Variants in DPP10 observed in about 807,000 individuals in gnomAD.
DPP10 encodes dipeptidyl peptidase like 10, also known as inactive dipeptidyl peptidase 10.
DPP10 carries 33 observed loss-of-function variants against 120.9 expected under a neutral mutation model. The observed-to-expected ratio is 0.27, with a 90% CI of 0.21 to 0.37. The LOEUF (loss-of-function observed/expected upper bound fraction) is 0.37, where lower values mean the gene tolerates loss of function less well. Ranked by LOEUF, DPP10 falls within the 10% of genes least tolerant of loss-of-function variation. The pLI is 1.00. For synonymous variants in DPP10, 337 were observed against 326.1 expected (o/e 1.03, Z -0.36); for missense variants, 816 against 942.8 (o/e 0.87, Z 1.76).
At chr2:115,808,029 A>G (rs2150008119) in intron 19 of DPP10, among the ~76,000 whole-genome samples, 1 of 152,342 alleles carries the variant, frequency 6.6e-6, no homozygotes, top group East Asian at 1.9e-4. Flanking sequence ...GCAATTTAAA[A>G]GCAATCACTG....
intron 5 of DPP10, among the ~76,000 whole-genome samples, chr2:115,679,314 A>C (rs1170351277): frequency 6.6e-6 from 1 of 152,122 alleles, no homozygotes; most frequent in Non-Finnish European, 1.5e-5. Flanking sequence ...GAGGTAATTG[A>C]ATCATGGGAG....
chr2:115,139,862 T>C (rs1235383053), intron 1 of DPP10, among the ~76,000 whole-genome samples: 1 of 151,830 alleles, frequency 6.6e-6, no homozygotes, highest in African/African-American at 2.4e-5. Flanking sequence ...CTGACTCTAA[T>C]GTGTGCTTCT....
chr2:115,740,703 T>G (rs1677149919), intron 9 of DPP10, among the ~76,000 whole-genome samples: 2 of 152,122 alleles, frequency 1.3e-5, no homozygotes, highest in South Asian at 2.1e-4. Context: ...ACATCTGGAT[T>G]GTACTGTTTT....
At chr2:115,379,641 T>A (rs1445743524) in intron 3 of DPP10, among the ~76,000 whole-genome samples, 1 of 152,174 alleles carries the variant, frequency 6.6e-6, no homozygotes, top group Non-Finnish European at 1.5e-5. Flanking sequence ...TTAATTGTGA[T>A]GTCAGGGTGT....
At position 115,677,884 on chromosome 2, in the gene DPP10, A is replaced by G. The variant is rs187020938; in HGVS notation, c.442-11803A>G. Among the ~76,000 whole-genome samples the G allele has an allele frequency of 3.5e-4, 54 of 152,340 alleles. No individual in the cohort carries two copies. In the East Asian group the frequency reaches 8.7e-3, roughly 24 times the overall value. ...TCATCTAGACAGAGAGTCAAGAAAC[A>G]TAGGTCTTAAACTGCACTTAACACC... On this transcript the variant is annotated intron_variant, in intron 5 of 25. Coordinates refer to ENST00000410059, the MANE Select transcript of DPP10 (RefSeq NM_020868.6).
At chr2:115,018,568 G>A (rs1702838885) in intron 1 of DPP10, among the ~76,000 whole-genome samples, 1 of 152,132 alleles carries the variant, frequency 6.6e-6, no homozygotes, top group South Asian at 2.1e-4. Context: ...GCAGGGACAT[G>A]GATGAAACTG....
chr2:115,440,948 T>C (rs13408150), intron 3 of DPP10: 24,077 of 152,124 alleles, frequency 0.16, 4,363 homozygotes, highest in African/African-American at 0.44. Flanking sequence ...GGTCAACTCC[T>C]GGCAGAAGCG....
chr2:114,856,235 T>C (rs2106509254), intron 1 of DPP10, among the ~76,000 whole-genome samples: 1 of 152,272 alleles, frequency 6.6e-6, no homozygotes, highest in East Asian at 1.9e-4. Context: ...ATGGCTGACT[T>C]CTTAGAACAG....
At chr2:114,541,069 A>G (rs1686909649) in intron 1 of DPP10, among the ~76,000 whole-genome samples, 1 of 152,208 alleles carries the variant, frequency 6.6e-6, no homozygotes, top group South Asian at 2.1e-4. Flanking sequence ...TCAAATGAGA[A>G]CTCATAACTT....
intron 1 of DPP10, among the ~76,000 whole-genome samples, chr2:114,530,246 G>A (rs1365191946): frequency 6.6e-6 from 1 of 152,114 alleles, no homozygotes; most frequent in African/African-American, 2.4e-5. Flanking sequence ...GATGTTCTGT[G>A]CCTTGTTTTT....
At chr2:114,762,659 C>T (rs895527822) in intron 1 of DPP10, among the ~76,000 whole-genome samples, 1 of 152,132 alleles carries the variant, frequency 6.6e-6, no homozygotes, top group Non-Finnish European at 1.5e-5. Context: ...TGCCAATAAC[C>T]AGACAGACAA....
At chr2:115,538,190 A>C (rs1274300379) in intron 5 of DPP10, among the ~76,000 whole-genome samples, 1 of 152,018 alleles carries the variant, frequency 6.6e-6, no homozygotes, top group African/African-American at 2.4e-5. Flanking sequence ...ATCCTGAAAC[A>C]AAGGAAGTAA....
chr2:115,394,182 A>AT (rs1408227723), intron 3 of DPP10, among the ~76,000 whole-genome samples: 2 of 152,156 alleles, frequency 1.3e-5, no homozygotes, highest in Non-Finnish European at 2.9e-5. Flanking sequence ...TCAGATTTTC[A>AT]TTTTTTTAAA....
At chr2:114,834,025 A>ACC (rs991497528) in intron 1 of DPP10, 2 of 151,930 alleles carry the variant, frequency 1.3e-5, no homozygotes, top group Admixed American at 6.6e-5. Context: ...ACGTATATAA[A>ACC]CATATACACA....
At chr2:114,629,169 A>G (rs1694732496) in intron 1 of DPP10, among the ~76,000 whole-genome samples, 1 of 150,486 alleles carries the variant, frequency 6.6e-6, no homozygotes, top group South Asian at 2.1e-4. Flanking sequence ...TTGATAAGAT[A>G]AAAGCTTTAG....
intron 1 of DPP10, among the ~76,000 whole-genome samples, chr2:114,661,223 G>A (rs2105548240): frequency 6.6e-6 from 1 of 152,280 alleles, no homozygotes; most frequent in South Asian, 2.1e-4. Flanking sequence ...ACTCTTCCAT[G>A]TTAAAGTGAG....
intron 1 of DPP10, among the ~76,000 whole-genome samples, chr2:114,545,593 T>G (rs780420652): frequency 6.6e-6 from 1 of 152,240 alleles, no homozygotes; most frequent in East Asian, 1.9e-4. Flanking sequence ...AAAACTTTCT[T>G]AGACTTTCTG....
intron 5 of DPP10, among the ~76,000 whole-genome samples, chr2:115,686,518 A>G (rs746960621): frequency 3.9e-5 from 6 of 152,066 alleles, no homozygotes; most frequent in Admixed American, 6.6e-5. Flanking sequence ...TATGCTGAGA[A>G]TACAGGTAAA....
At chr2:115,569,187 A>G (rs2081196601) in intron 5 of DPP10, among the ~76,000 whole-genome samples, 3 of 152,360 alleles carry the variant, frequency 2.0e-5, no homozygotes, top group Admixed American at 1.3e-4. Context: ...TGATACAACC[A>G]AATTTTCAAA....
Sources: gnomAD v4.1 joint callset for allele counts (sites outside exome capture counted in the v4.1 genomes callset) on GRCh38, gnomAD v4.1.1 for gene constraint, MANE v1.5 for transcripts, NCBI Gene and HGNC (gene_info 2026-07-23, HGNC 2026-07-21) for gene names.